Variants in ERG observed in about 807,000 individuals in gnomAD.
ERG encodes ETS transcription factor ERG, also known as transcriptional regulator ERG.
A neutral mutation model predicts 55.3 loss-of-function variants in ERG; 9 were observed. That is an observed-to-expected ratio of 0.16 (90% CI 0.10 to 0.28). The LOEUF is 0.28. Among genes scored for constraint, ERG ranks in the 10% least tolerant of loss-of-function variants. The probability of loss-of-function intolerance (pLI) is 1.00; values close to 1 mark genes in which losing one functional copy is unlikely to be tolerated. For synonymous variants in ERG, 223 were observed against 237.3 expected (o/e 0.94, Z 0.55); for missense variants, 434 against 631.6 (o/e 0.69, Z 3.35).
chr21:38,562,669 T>C (rs750432969), intron 2 of ERG, among the ~76,000 whole-genome samples: 5 of 152,232 alleles, frequency 3.3e-5, no homozygotes, highest in Non-Finnish European at 7.3e-5. Context: ...AGAACTTCTA[T>C]CCTACTGAGC....
intron 1 of ERG, among the ~76,000 whole-genome samples, chr21:38,639,735 C>T (rs1372483236): frequency 6.6e-6 from 1 of 152,160 alleles, no homozygotes. Flanking sequence ...ACAATAAGAG[C>T]TGGTAGTCTA....
At chr21:38,652,229 G>T (rs79748455) in intron 1 of ERG, among the ~76,000 whole-genome samples, 12,103 of 151,772 alleles carry the variant, frequency 0.08, 666 homozygotes, top group Non-Finnish European at 0.12. Flanking sequence ...CCACCCTCCC[G>T]CCCACTGCTA....
chr21:38,383,527 G>C lies in ERG; in HGVS notation c.1316C>G (p.Pro439Arg), dbSNP rs756376317. Residue 439 changes from proline (P) to arginine (R), a missense_variant, in exon 10 of 10, where the codon CCC (proline) becomes CGC (arginine). Transcript: ENST00000288319. This position sits in a 1 kb window ranked among gnomAD's most constrained non-coding sequence, Gnocchi z 5.7. Reference protein sequence around the residue: ...NFVAPHPPALPVTSSSFFAAP... With the variant: ...NFVAPHPPALRVTSSSFFAAP... Reference sequence around the variant, plus strand: ...AGCAAAAAAACTGGAAGATGTCACGGGGAGGGCTGGAGGGTGGGGCGCCAC... The same window carrying C: ...AGCAAAAAAACTGGAAGATGTCACGCGGAGGGCTGGAGGGTGGGGCGCCAC... The C allele has an allele frequency of 6.4e-7, 1 of 1,570,706 alleles. No individual in the cohort carries two copies. The highest frequency in any genetic ancestry group is 8.7e-7 in the Non-Finnish European group (1 of 1,154,892).
At chr21:38,480,202 G>C (rs1382192572) in intron 1 of ERG, among the ~76,000 whole-genome samples, 4 of 152,184 alleles carry the variant, frequency 2.6e-5, no homozygotes, top group Non-Finnish European at 5.9e-5. Flanking sequence ...ACTTAGCATG[G>C]TGAACAATTT....
At chr21:38,466,020 T>C (rs1222610133) in intron 1 of ERG, among the ~76,000 whole-genome samples, 1 of 152,164 alleles carries the variant, frequency 6.6e-6, no homozygotes, top group Non-Finnish European at 1.5e-5. Flanking sequence ...TAGCACGGTG[T>C]TGGAGAGATG....
In ERG at chr21:38,448,761, G is replaced by A. The variant is rs148267099; in HGVS notation, c.19-3140C>T. On this transcript the variant is annotated intron_variant, in intron 1 of 9. Coordinates refer to ENST00000288319, the MANE Select transcript of ERG (RefSeq NM_182918.4). Reference sequence around the variant, plus strand: ...TGTTGGCAGGTTTCATCATCCCTTCGGTTAAAGCTTGAATGGACACACGCT... The same window carrying A: ...TGTTGGCAGGTTTCATCATCCCTTCAGTTAAAGCTTGAATGGACACACGCT... 2.0e-5 allele frequency among the ~76,000 whole-genome samples: 3 copies of A among 152,294 alleles called. No homozygotes were observed. The East Asian group carries it at 5.8e-4, about 29-fold the overall frequency.
chr21:38,417,226 C>T (rs1989319813), intron 3 of ERG, among the ~76,000 whole-genome samples: 1 of 152,202 alleles, frequency 6.6e-6, no homozygotes, highest in Non-Finnish European at 1.5e-5. Context: ...AGTCATGTAG[C>T]TTCAGCCACA....
chr21:38,403,304 T>C (rs1239903647), intron 4 of ERG, among the ~76,000 whole-genome samples: 1 of 152,148 alleles, frequency 6.6e-6, no homozygotes. Flanking sequence ...CTGAGAGCGC[T>C]GACTACTTCT....
chr21:38,405,585 A>G (rs1988727979), intron 3 of ERG, among the ~76,000 whole-genome samples: 2 of 152,178 alleles, frequency 1.3e-5, no homozygotes, highest in Non-Finnish European at 2.9e-5. Flanking sequence ...GCCAAGGTTC[A>G]GATCATCTTC....
At chr21:38,395,409 G>A (rs1988167606) in intron 6 of ERG, 1 of 223,004 alleles carries the variant, frequency 4.5e-6, no homozygotes, top group Non-Finnish European at 8.9e-6. Context: ...TAGAGCATCA[G>A]ACTTCCAATA....
intron 1 of ERG, among the ~76,000 whole-genome samples, chr21:38,622,272 G>C (rs1030903508): frequency 6.6e-6 from 1 of 152,168 alleles, no homozygotes; most frequent in Non-Finnish European, 1.5e-5. Flanking sequence ...CAAGTCAGTG[G>C]AGAGGACTGA....
chr21:38,549,322 C>A lies in ERG; in HGVS notation c.-41+26340G>T, dbSNP rs1568904226. Among the ~76,000 whole-genome samples the A allele has an allele frequency of 2.6e-5, 4 of 152,094 alleles. No homozygotes were observed. The East Asian group carries it at 5.8e-4, about 22-fold the overall frequency. On this transcript the variant is annotated intron_variant, in intron 2 of 8. Coordinates refer to the ERG transcript ENST00000398897. Reference sequence around the variant, plus strand: ...GTATAGAGAAGTTCAGAATAAGGACCCCAAACTATTGCACATCCTGACACT... The same window carrying A: ...GTATAGAGAAGTTCAGAATAAGGACACCAAACTATTGCACATCCTGACACT...
chr21:38,372,570 A>G, the ERG span, among the ~76,000 whole-genome samples: 2 of 151,656 alleles, frequency 1.3e-5, no homozygotes, highest in African/African-American at 2.4e-5. Flanking sequence ...TTACATTGTA[A>G]TTTCTTTTTT....
At chr21:38,522,186 T>C (rs1373528402) in intron 2 of ERG, among the ~76,000 whole-genome samples, 2 of 152,168 alleles carry the variant, frequency 1.3e-5, no homozygotes, top group Admixed American at 6.6e-5. Context: ...TAAGAAATGC[T>C]GTAAGTAAGC....
intron 3 of ERG, among the ~76,000 whole-genome samples, chr21:38,414,665 A>T (rs1335243278): frequency 2.0e-5 from 3 of 152,200 alleles, no homozygotes; most frequent in Non-Finnish European, 4.4e-5. Context: ...CCCAGATCCC[A>T]CAGTTAGTAC....
chr21:38,578,421 G>A (rs966281531), intron 1 of ERG, among the ~76,000 whole-genome samples: 1 of 152,174 alleles, frequency 6.6e-6, no homozygotes, highest in African/African-American at 2.4e-5. Context: ...ATAACTTTGT[G>A]ATTCTTCCCA....
chr21:38,551,489 C>G (rs1240657347), intron 2 of ERG, among the ~76,000 whole-genome samples: 1 of 152,110 alleles, frequency 6.6e-6, no homozygotes, highest in East Asian at 1.9e-4. Flanking sequence ...GTGTTTAGTG[C>G]TATAAACTTT....
At chr21:38,622,906 ACAC>A (rs1300996306) in intron 1 of ERG, among the ~76,000 whole-genome samples, 7 of 146,966 alleles carry the variant, frequency 4.8e-5, no homozygotes, top group Non-Finnish European at 6.0e-5. Context: ...CACCATACAT[ACAC>A]CACATGCTCA....
intron 1 of ERG, among the ~76,000 whole-genome samples, chr21:38,483,858 C>T (rs968637790): frequency 6.6e-6 from 1 of 152,042 alleles, no homozygotes; most frequent in Non-Finnish European, 1.5e-5. Context: ...CAGAGTGAGA[C>T]TCTGTCTCAA....
Sources: allele counts gnomAD v4.1 joint callset (sites outside exome capture counted in the v4.1 genomes callset), GRCh38; gene constraint gnomAD v4.1.1; non-coding constraint Gnocchi (gnomAD v3.1); transcripts MANE v1.5; gene names NCBI Gene and HGNC (gene_info 2026-07-23, HGNC 2026-07-21).